The following B3GNT5 variants were observed in gnomAD, a reference collection of about 807,000 sequenced individuals.
The protein encoded by B3GNT5 is lactosylceramide 1,3-N-acetyl-beta-D-glucosaminyltransferase.
B3GNT5 carries 11 observed loss-of-function variants against 25.9 expected under a neutral mutation model. The ratio of observed to expected loss-of-function variants is 0.42; its 90% CI spans 0.27 to 0.70. The LOEUF is 0.70. Among genes scored for constraint, B3GNT5 ranks in the 30% least tolerant of loss-of-function variants. The pLI, the probability that B3GNT5 is intolerant of heterozygous loss-of-function variation, is 0.23. For synonymous variants in B3GNT5, 166 were observed against 158.6 expected (o/e 1.05, Z -0.35); for missense variants, 385 against 458.4 (o/e 0.84, Z 1.46).
chr3:183,264,982 TC>T (rs1401856926), intron 1 of B3GNT5, among the ~76,000 whole-genome samples: 2 of 152,220 alleles, frequency 1.3e-5, no homozygotes, highest in Non-Finnish European at 2.9e-5. Flanking sequence ...TGTCCCTTCT[TC>T]TCAGTCCAAA....
At chr3:183,256,987 TCCTA>T (rs1379149605) in intron 1 of B3GNT5, among the ~76,000 whole-genome samples, 1 of 152,102 alleles carries the variant, frequency 6.6e-6, no homozygotes, top group Non-Finnish European at 1.5e-5. Flanking sequence ...TTTTAAAAAC[TCCTA>T]CCTAATTAAT....
chr3:183,257,811 GT>G (rs1291758588), intron 1 of B3GNT5, among the ~76,000 whole-genome samples: 1 of 151,652 alleles, frequency 6.6e-6, no homozygotes, highest in African/African-American at 2.4e-5. Flanking sequence ...CCTTTTTTCC[GT>G]TTTTTCCCTT....
At position 183,269,838 on chromosome 3, in the gene B3GNT5, C is replaced by A. The variant is rs778462202; in HGVS notation, c.40C>A (p.Gln14Lys). 1.9e-6 allele frequency: 3 copies of A among 1,611,892 alleles called. No individual in the cohort carries two copies. Among genetic ancestry groups the A allele is most frequent in the Middle Eastern group, 1.7e-4 (1 of 6,040 alleles). Residue 14 changes from glutamine (Q) to lysine (K), a missense_variant, in exon 2 of 2, where the codon CAG (glutamine) becomes AAG (lysine). Coordinates refer to ENST00000326505, the MANE Select transcript of B3GNT5 (RefSeq NM_032047.5). ...LVSGRRVKKWQLIIQLFATCF... is the reference protein window; with the variant it reads ...LVSGRRVKKWKLIIQLFATCF... Reference sequence around the variant, plus strand: ...TAGTGGCAGAAGAGTCAAAAAATGGCAGTTAATTATTCAGTTATTTGCTAC... The same window carrying A: ...TAGTGGCAGAAGAGTCAAAAAATGGAAGTTAATTATTCAGTTATTTGCTAC...
chr3:183,265,718 TGAG>T (rs1197028118), intron 1 of B3GNT5: 1 of 152,340 alleles, frequency 6.6e-6, no homozygotes, highest in East Asian at 1.9e-4. Flanking sequence ...GTAATACAAA[TGAG>T]GAGTTTTACT....
chr3:183,254,708 G>C (rs1466802053), intron 1 of B3GNT5: 10 of 152,274 alleles, frequency 6.6e-5, no homozygotes. Flanking sequence ...CTGAATTCGA[G>C]TCGAAAGCCC....
At chr3:183,258,939 A>C (rs775735915) in intron 1 of B3GNT5, among the ~76,000 whole-genome samples, 31 of 152,220 alleles carry the variant, frequency 2.0e-4, no homozygotes, top group Non-Finnish European at 4.4e-5. Context: ...AATGCAATAT[A>C]AATGCTATGT....
chr3:183,269,230 C>CTTTTTTTTTTTTTTTAT (rs1726473789), intron 1 of B3GNT5, among the ~76,000 whole-genome samples: 1 of 81,030 alleles, frequency 1.2e-5, no homozygotes, highest in African/African-American at 6.4e-5. Context: ...GTTTGGGAAG[C>CTTTTTTTTTTTTTTTAT]TTTTTTTTTT....
Position 183,270,488 on chromosome 3 carries a change from T to C in B3GNT5, c.690T>C (p.Ile230=). 2 of 1,614,114 alleles carry C rather than the reference T, an allele frequency of 1.2e-6. No homozygotes were observed. The highest frequency in any genetic ancestry group is 1.7e-6 in the Non-Finnish European group (2 of 1,180,014). ...IGRVHRGAPP[I]RDKSSKYYVS... Reference sequence around the variant, plus strand: ...GTGTTCATCGTGGTGCCCCTCCCATTAGAGATAAAAGCAGCAAATACTACG... The same window carrying C: ...GTGTTCATCGTGGTGCCCCTCCCATCAGAGATAAAAGCAGCAAATACTACG... The change falls in exon 2 of 2, where the codon ATT becomes ATC. Residue 230 remains isoleucine (I), a synonymous_variant. Transcript: ENST00000326505. The surrounding 1 kb of genome is among the most constrained non-coding windows in gnomAD (Gnocchi z 4.5).
At chr3:183,254,410 C>G (rs1007562985) in intron 1 of B3GNT5, among the ~76,000 whole-genome samples, 17 of 151,840 alleles carry the variant, frequency 1.1e-4, no homozygotes, top group Admixed American at 4.6e-4. Flanking sequence ...GAAGGAGGCT[C>G]GTCCCCTCCC....
At position 183,272,798 on chromosome 3, in the gene B3GNT5, A is replaced by G; in HGVS notation, c.*1863A>G. 10 of 1,168,024 alleles carry G rather than the reference A, an allele frequency of 8.6e-6. No individual in the cohort carries two copies. Among genetic ancestry groups the G allele is most frequent in the Non-Finnish European group, 1.1e-5 (10 of 936,312 alleles). The allele number at this position is 1,168,024 out of a possible 1,614,324, so 72.4% of individuals were successfully genotyped here. ...TTGCCCATATATACCCTGTGTATCT[A>G]TACTTGGAAGTGTTTAAGGTTGCCA... On this transcript the variant is annotated 3_prime_UTR_variant, in exon 2 of 2. Transcript: ENST00000326505.
chr3:183,273,104 A>C lies in B3GNT5; in HGVS notation c.*2169A>C. The C allele has an allele frequency of 7.7e-7, 1 of 1,304,126 alleles. No homozygotes were observed. Among genetic ancestry groups the C allele is most frequent in the Non-Finnish European group, 1.0e-6 (1 of 969,642 alleles). 80.8% of individuals were successfully genotyped at this position (1,304,126 alleles called of 1,614,324 possible). A position where few individuals can be genotyped will look rare whatever the true frequency, so the allele number is the denominator to read the frequency against. The stretch of plus-strand genomic sequence containing the variant: ...GTTCCAACCTTTTAAAAAAGAAGGA[A>C]AAAACTTTTTGGTGCTCCAGTGTAG... On this transcript the variant is annotated 3_prime_UTR_variant, in exon 2 of 2. Coordinates refer to ENST00000326505, the MANE Select transcript of B3GNT5 (RefSeq NM_032047.5).
At chr3:183,264,784 G>A (rs1179629209) in intron 1 of B3GNT5, among the ~76,000 whole-genome samples, 1 of 152,212 alleles carries the variant, frequency 6.6e-6, no homozygotes, top group Non-Finnish European at 1.5e-5. Context: ...GCCTTTGGGT[G>A]TTCTAACTAG....
chr3:183,272,777 CCATA>C lies in B3GNT5; in HGVS notation c.*1843_*1846del. 1 of 1,113,816 alleles carries C rather than the reference CCATA, an allele frequency of 9.0e-7. No homozygotes were observed. The highest frequency in any genetic ancestry group is 4.3e-5 in the South Asian group (1 of 23,328). The allele number at this position is 1,113,816 out of a possible 1,614,324, so 69.0% of individuals were successfully genotyped here. A position where few individuals can be genotyped will look rare whatever the true frequency, so the allele number is the denominator to read the frequency against. On this transcript the variant is annotated 3_prime_UTR_variant, in exon 2 of 2. Transcript: ENST00000326505. ...TGATTAATGATGTATTGCCTTTTGC[CCATA>C]TATACCCTGTGTATCTATACTTGGA...
At chr3:183,266,936 A>G (rs968236282) in intron 1 of B3GNT5, among the ~76,000 whole-genome samples, 1 of 151,870 alleles carries the variant, frequency 6.6e-6, no homozygotes, top group Non-Finnish European at 1.5e-5. Flanking sequence ...ACAGGTGTGC[A>G]CCACCACACC....
Position 183,272,607 on chromosome 3 carries a change from A to G in B3GNT5, c.*1672A>G, listed in dbSNP as rs1454351918. 13 of 998,542 alleles carry G rather than the reference A, an allele frequency of 1.3e-5. No individual in the cohort carries two copies. The highest frequency in any genetic ancestry group is 5.2e-4 in the Middle Eastern group (1 of 1,934). The allele number at this position is 998,542 out of a possible 1,614,324, so 61.9% of individuals were successfully genotyped here. On this transcript the variant is annotated 3_prime_UTR_variant, in exon 2 of 2. Coordinates refer to ENST00000326505, the MANE Select transcript of B3GNT5 (RefSeq NM_032047.5). ...AACTAATGTCAAAACTACAGTGTCAAACATTCTAGGTTGTAGTTACTTTCA... is the reference window on the plus strand; with the variant it reads ...AACTAATGTCAAAACTACAGTGTCAGACATTCTAGGTTGTAGTTACTTTCA...
Position 183,272,449 on chromosome 3 carries a change from C to G in B3GNT5, c.*1514C>G. 1.0e-6 allele frequency: 1 copy of G among 1,000,108 alleles called. No homozygotes were observed. The highest frequency in any genetic ancestry group is 1.7e-5 in the African/African-American group (1 of 57,370). The allele number at this position is 1,000,108 out of a possible 1,614,324, so 62.0% of individuals were successfully genotyped here. ...CGCAAAACAAAACGAAAAAAGATTT[C>G]TCAGTATACACAACTGAATGATGAT... On this transcript the variant is annotated 3_prime_UTR_variant, in exon 2 of 2. Coordinates refer to ENST00000326505, the MANE Select transcript of B3GNT5 (RefSeq NM_032047.5).
rs1417871189 is a variant in B3GNT5, at chr3:183,271,069, GTTTC to G, written c.*138_*141del. ...TTTTGAAAGCCTAGTCCATCAGAAT[GTTTC>G]TTTGATTCTAGAAGCTGTTTAATAT... On this transcript the variant is annotated 3_prime_UTR_variant, in exon 2 of 2. Coordinates refer to ENST00000326505, the MANE Select transcript of B3GNT5 (RefSeq NM_032047.5). The G allele has an allele frequency of 9.0e-5, 71 of 791,946 alleles. No individual in the cohort carries two copies. Among genetic ancestry groups the G allele is most frequent in the Middle Eastern group, 3.7e-4 (1 of 2,724 alleles). The allele number at this position is 791,946 out of a possible 1,614,324, so 49.1% of individuals were successfully genotyped here.
intron 1 of B3GNT5, among the ~76,000 whole-genome samples, chr3:183,269,229 G>GTTTTTTTTTTTTTTTTTT (rs1305607255): frequency 1.2e-4 from 9 of 77,010 alleles, no homozygotes; most frequent in East Asian, 7.6e-4. Flanking sequence ...CGTTTGGGAA[G>GTTTTTTTTTTTTTTTTTT]CTTTTTTTTT....
chr3:183,267,844 A>G lies in B3GNT5; in HGVS notation c.-301-1654A>G, dbSNP rs992418593. Reference sequence around the variant, plus strand: ...CACCTGGCTAGGGTCCTGACCTCCAATCCTTCCCCAGTAACCATCACTTTG... The same window carrying G: ...CACCTGGCTAGGGTCCTGACCTCCAGTCCTTCCCCAGTAACCATCACTTTG... On this transcript the variant is annotated intron_variant, in intron 1 of 1. Transcript: ENST00000326505. This position sits in a 1 kb window ranked among gnomAD's most constrained non-coding sequence, Gnocchi z 5.5. 2.6e-5 allele frequency among the ~76,000 whole-genome samples: 4 copies of G among 152,208 alleles called. No individual in the cohort carries two copies. Among genetic ancestry groups the G allele is most frequent in the Admixed American group, 1.3e-4 (2 of 15,296 alleles).
Sources: allele counts gnomAD v4.1 joint callset (sites outside exome capture counted in the v4.1 genomes callset), GRCh38; gene constraint gnomAD v4.1.1; non-coding constraint Gnocchi (gnomAD v3.1); transcripts MANE v1.5; gene names NCBI Gene and HGNC (gene_info 2026-07-23, HGNC 2026-07-21).